The following ATP8A2 variants were observed in gnomAD, a reference collection of about 807,000 sequenced individuals.
The protein encoded by ATP8A2 is phospholipid-transporting ATPase IB.
Under a neutral mutation model 165.6 loss-of-function variants are expected in ATP8A2, and 100 were observed. That is an observed-to-expected ratio of 0.60 (90% CI 0.51 to 0.71). The LOEUF is 0.71. Among genes scored for constraint, ATP8A2 ranks in the 30% least tolerant of loss-of-function variants. The pLI, the probability that ATP8A2 is intolerant of heterozygous loss-of-function variation, is 0.00. For missense variants in ATP8A2, 1,227 were observed against 1,479.5 expected, an observed-to-expected ratio of 0.83 and a Z score of 2.80; for synonymous variants, 543 against 548.8, an observed-to-expected ratio of 0.99 and a Z score of 0.15.
intron 24 of ATP8A2, among the ~76,000 whole-genome samples, chr13:25,638,791 A>G (rs934640503): frequency 6.6e-6 from 1 of 152,184 alleles, no homozygotes; most frequent in Non-Finnish European, 1.5e-5. Context: ...AGCAACCCCA[A>G]GACACATAAT....
chr13:25,490,567 T>C (rs2036494752), intron 2 of ATP8A2, among the ~76,000 whole-genome samples: 1 of 152,160 alleles, frequency 6.6e-6, no homozygotes, highest in Admixed American at 6.5e-5. Flanking sequence ...GTGGTCTGCC[T>C]GAGGTGCAGG....
intron 27 of ATP8A2, among the ~76,000 whole-genome samples, chr13:25,782,636 A>G (rs867985514): frequency 1.7e-4 from 26 of 152,364 alleles, no homozygotes; most frequent in Admixed American, 3.9e-4. Flanking sequence ...CATATAATCT[A>G]TGCACATCCT....
At chr13:25,985,504 G>A (rs1956262968) in intron 35 of ATP8A2, among the ~76,000 whole-genome samples, 1 of 152,216 alleles carries the variant, frequency 6.6e-6, no homozygotes, top group South Asian at 2.1e-4. Flanking sequence ...TTCAGGATTA[G>A]AGAAGCACCT....
chr13:25,540,458 T>G, intron 8 of ATP8A2, 70 bp downstream of exon 8: 1 of 1,114,450 alleles, frequency 9.0e-7, no homozygotes, highest in Non-Finnish European at 1.4e-6. Flanking sequence ...CACATATCTT[T>G]TTCTAGAGAA....
intron 1 of ATP8A2, among the ~76,000 whole-genome samples, chr13:25,402,657 G>A (rs571688929): frequency 6.6e-6 from 1 of 152,238 alleles, no homozygotes; most frequent in South Asian, 2.1e-4. Flanking sequence ...TAGTTTGAAC[G>A]TTTGTGTCCC....
chr13:25,933,177 C>A (rs1275643229), intron 33 of ATP8A2, among the ~76,000 whole-genome samples: 4 of 152,202 alleles, frequency 2.6e-5, no homozygotes, highest in Non-Finnish European at 5.9e-5. Flanking sequence ...TTTATTCCAA[C>A]TTCTGTTTCC....
chr13:25,847,062 G>A lies in ATP8A2; in HGVS notation c.2956+7438G>A, dbSNP rs182257228. 4.6e-5 allele frequency among the ~76,000 whole-genome samples: 7 copies of A among 152,322 alleles called. No homozygotes were observed. In the East Asian group the frequency reaches 1.3e-3, roughly 29 times the overall value. On this transcript the variant is annotated intron_variant, in intron 30 of 36. Transcript: ENST00000381655. ...GAGTCAAGCATTAAATGCTAAATGG[G>A]AGAGGAAAAGAGGGTAGTAACTCCA...
chr13:25,469,728 G>A (rs1310015685), intron 2 of ATP8A2, among the ~76,000 whole-genome samples: 1 of 152,196 alleles, frequency 6.6e-6, no homozygotes, highest in Non-Finnish European at 1.5e-5. Context: ...ACCTATTGAA[G>A]CAGGCCAGGA....
intron 33 of ATP8A2, among the ~76,000 whole-genome samples, chr13:25,891,030 G>A (rs185148711): frequency 6.6e-6 from 1 of 152,292 alleles, no homozygotes; most frequent in African/African-American, 2.4e-5. Context: ...TGTGGGTGAG[G>A]AAATGAACCT....
intron 1 of ATP8A2, among the ~76,000 whole-genome samples, chr13:25,426,990 A>T (rs1175147342): frequency 4.6e-5 from 7 of 152,182 alleles, no homozygotes; most frequent in African/African-American, 1.7e-4. Context: ...GTATCAGTTC[A>T]TCACTTGTAA....
chr13:25,962,773 C>T (rs1955687160), intron 34 of ATP8A2, among the ~76,000 whole-genome samples: 2 of 152,292 alleles, frequency 1.3e-5, no homozygotes, highest in South Asian at 4.1e-4. Flanking sequence ...CTCCCACACT[C>T]AGAATTTTTC....
intron 24 of ATP8A2, among the ~76,000 whole-genome samples, chr13:25,596,817 T>C (rs911853528): frequency 2.0e-5 from 3 of 152,212 alleles, no homozygotes; most frequent in African/African-American, 4.8e-5. Flanking sequence ...AGGGAAGATA[T>C]ATGTTTAGCT....
chr13:25,760,734 A>G (rs76438319), intron 25 of ATP8A2, among the ~76,000 whole-genome samples: 4 of 152,226 alleles, frequency 2.6e-5, no homozygotes, highest in African/African-American at 9.6e-5. Context: ...TTTTTGCAGT[A>G]GCATATTAAC....
intron 24 of ATP8A2, chr13:25,591,399 A>G (rs1191271412): frequency 4.4e-6 from 2 of 456,334 alleles, no homozygotes; most frequent in South Asian, 3.1e-5. Context: ...AAGTTCAATC[A>G]TATAGTATTT....
At chr13:25,462,410 T>C (rs1038012242) in intron 1 of ATP8A2, among the ~76,000 whole-genome samples, 1 of 152,120 alleles carries the variant, frequency 6.6e-6, no homozygotes, top group African/African-American at 2.4e-5. Context: ...ATGGTTACAG[T>C]TTTACTACAA....
At chr13:26,007,535 T>A (rs1248611760) in intron 35 of ATP8A2, among the ~76,000 whole-genome samples, 1 of 152,252 alleles carries the variant, frequency 6.6e-6, no homozygotes, top group Non-Finnish European at 1.5e-5. Context: ...TTCCAGTAGT[T>A]GGTTCAGTGA....
chr13:25,375,986 G>T (rs1210946377), intron 1 of ATP8A2, among the ~76,000 whole-genome samples: 1 of 152,010 alleles, frequency 6.6e-6, no homozygotes, highest in Non-Finnish European at 1.5e-5. Context: ...TTCTGTTTTT[G>T]CCAGAACAAC....
At chr13:25,566,333 A>G (rs2039312510) in intron 16 of ATP8A2, among the ~76,000 whole-genome samples, 1 of 152,110 alleles carries the variant, frequency 6.6e-6, no homozygotes, top group Non-Finnish European at 1.5e-5. Flanking sequence ...TAGGCTGAAG[A>G]TTCTCCAAGC....
chr13:26,006,543 T>C (rs901365943), intron 35 of ATP8A2, among the ~76,000 whole-genome samples: 2 of 152,020 alleles, frequency 1.3e-5, no homozygotes, highest in African/African-American at 4.8e-5. Context: ...CTTCAGTAAG[T>C]TTGTTGAATA....
Sources: allele counts gnomAD v4.1 joint callset (sites outside exome capture counted in the v4.1 genomes callset), GRCh38; gene constraint gnomAD v4.1.1; transcripts MANE v1.5; gene names NCBI Gene and HGNC (gene_info 2026-07-23, HGNC 2026-07-21).